The following FER variants were observed in gnomAD, a reference collection of about 807,000 sequenced individuals.
The protein encoded by FER is tyrosine-protein kinase Fer.
In FER, 63 loss-of-function variants were observed where a neutral mutation model predicts 111.0. The observed-to-expected ratio is 0.57, with a 90% CI of 0.46 to 0.70. The LOEUF (loss-of-function observed/expected upper bound fraction) is 0.70, where lower values mean the gene tolerates loss of function less well. Ranked by LOEUF, FER falls within the 30% of genes least tolerant of loss-of-function variation. The pLI, the probability that FER is intolerant of heterozygous loss-of-function variation, is 0.00. For missense variants in FER, 914 were observed against 954.0 expected, an observed-to-expected ratio of 0.96 and a Z score of 0.55; for synonymous variants, 327 against 313.9, an observed-to-expected ratio of 1.04 and a Z score of -0.44.
intron 3 of FER, among the ~76,000 whole-genome samples, chr5:108,824,594 A>G (rs1320286879): frequency 1.3e-5 from 2 of 151,958 alleles, no homozygotes; most frequent in African/African-American, 4.8e-5. Flanking sequence ...TTTTTTGGAT[A>G]GTTTGTTGTT....
chr5:108,830,481 TC>T (rs1273489820), intron 3 of FER: 1 of 152,152 alleles, frequency 6.6e-6, no homozygotes, highest in Non-Finnish European at 1.5e-5. Context: ...TTTGGATTTT[TC>T]TTTAAATGAA....
intron 5 of FER, among the ~76,000 whole-genome samples, chr5:108,852,457 A>G (rs1036882299): frequency 2.6e-5 from 4 of 152,164 alleles, no homozygotes; most frequent in African/African-American, 7.2e-5. Context: ...GTCACCAAGA[A>G]TGGCAACTAG....
At chr5:108,778,197 T>A (rs1753700177) in intron 2 of FER, among the ~76,000 whole-genome samples, 1 of 152,228 alleles carries the variant, frequency 6.6e-6, no homozygotes, top group Non-Finnish European at 1.5e-5. Context: ...TCTATTCACC[T>A]ACTGAAAGAC....
chr5:108,941,270 C>A (rs896343440), intron 10 of FER, among the ~76,000 whole-genome samples: 1 of 152,158 alleles, frequency 6.6e-6, no homozygotes, highest in Admixed American at 6.6e-5. Flanking sequence ...ACAGCTCCAA[C>A]TCTCCAGCAG....
chr5:109,020,941 A>G (rs537589651), intron 13 of FER, among the ~76,000 whole-genome samples: 1 of 152,198 alleles, frequency 6.6e-6, no homozygotes. Flanking sequence ...TTTAACACTC[A>G]GAACATAAAG....
intron 17 of FER, among the ~76,000 whole-genome samples, chr5:109,143,621 A>G (rs1403494088): frequency 6.6e-6 from 1 of 151,578 alleles, no homozygotes; most frequent in Non-Finnish European, 1.5e-5. Flanking sequence ...AACCTCCTCT[A>G]TTTTTTCTAA....
chr5:109,025,689 G>T (rs1462175961), intron 13 of FER, among the ~76,000 whole-genome samples: 1 of 151,672 alleles, frequency 6.6e-6, no homozygotes, highest in African/African-American at 2.4e-5. Flanking sequence ...GGGCATCCCT[G>T]TCTTGTGCCA....
At chr5:108,807,450 T>C (rs1011979128) in intron 3 of FER, among the ~76,000 whole-genome samples, 2 of 152,272 alleles carry the variant, frequency 1.3e-5, no homozygotes, top group Non-Finnish European at 2.9e-5. Flanking sequence ...TTTGTTTTTC[T>C]GTGGATCAGT....
chr5:108,952,620 G>A (rs998159066), intron 11 of FER, among the ~76,000 whole-genome samples: 1 of 138,778 alleles, frequency 7.2e-6, no homozygotes, highest in African/African-American at 2.5e-5. Context: ...TAGAATTGAA[G>A]TGTGATCTTT....
chr5:109,056,106 C>G (rs1773615002), intron 16 of FER, among the ~76,000 whole-genome samples: 1 of 152,044 alleles, frequency 6.6e-6, no homozygotes, highest in East Asian at 1.9e-4. Flanking sequence ...TGGAGAAATC[C>G]TGTACACTGT....
chr5:109,109,746 AAGAT>A (rs748440820), intron 17 of FER, among the ~76,000 whole-genome samples: 2 of 152,112 alleles, frequency 1.3e-5, no homozygotes, highest in Non-Finnish European at 2.9e-5. Context: ...GTTCCAGAAA[AAGAT>A]AGCCACATAA....
intron 13 of FER, among the ~76,000 whole-genome samples, chr5:108,996,774 A>T (rs1459040117): frequency 1.3e-5 from 2 of 152,176 alleles, no homozygotes; most frequent in Non-Finnish European, 2.9e-5. Flanking sequence ...TGCAATTTAA[A>T]GTAGTTTTTT....
At chr5:109,018,761 G>A (rs547751493) in intron 13 of FER, among the ~76,000 whole-genome samples, 3 of 151,834 alleles carry the variant, frequency 2.0e-5, no homozygotes, top group East Asian at 3.9e-4. Flanking sequence ...AATTCATCAA[G>A]TTCTGTAAGC....
intron 13 of FER, among the ~76,000 whole-genome samples, chr5:108,971,892 G>T (rs574069235): frequency 3.3e-5 from 5 of 152,106 alleles, no homozygotes; most frequent in African/African-American, 9.6e-5. Context: ...ATTTAGTCAG[G>T]TTCGTAGAGA....
At chr5:109,164,930 C>A (rs79901568) in intron 17 of FER, among the ~76,000 whole-genome samples, 2,133 of 152,224 alleles carry the variant, frequency 0.014, 59 homozygotes, top group African/African-American at 0.049. Flanking sequence ...GTAATTGTCT[C>A]ACTTCTTTGC....
chr5:108,878,933 G>A (rs1460576319), intron 8 of FER, among the ~76,000 whole-genome samples: 1 of 152,044 alleles, frequency 6.6e-6, no homozygotes, highest in Non-Finnish European at 1.5e-5. Context: ...TAAGCTGCTT[G>A]GGCTCTATTA....
intron 2 of FER, among the ~76,000 whole-genome samples, chr5:108,775,744 T>C (rs1753419121): frequency 6.6e-6 from 1 of 152,094 alleles, no homozygotes; most frequent in South Asian, 2.1e-4. Context: ...ATAGGAGGAG[T>C]TTTAAATATT....
intron 18 of FER, among the ~76,000 whole-genome samples, chr5:109,185,350 G>A (rs965726034): frequency 3.3e-5 from 5 of 152,096 alleles, no homozygotes; most frequent in African/African-American, 9.7e-5. Context: ...AATATTTTTC[G>A]TAAATGAAAC....
At chr5:109,112,086 G>T (rs1472740243) in intron 17 of FER, among the ~76,000 whole-genome samples, 1 of 151,786 alleles carries the variant, frequency 6.6e-6, no homozygotes, top group African/African-American at 2.4e-5. Context: ...GGGGAAAGAA[G>T]TAATGCAAAT....
Sources: allele counts gnomAD v4.1 joint callset (sites outside exome capture counted in the v4.1 genomes callset), GRCh38; gene constraint gnomAD v4.1.1; transcripts MANE v1.5; gene names NCBI Gene and HGNC (gene_info 2026-07-23, HGNC 2026-07-21).